ARHGEF6: variants seen among roughly 807,000 people sequenced by gnomAD.
ARHGEF6 encodes rho guanine nucleotide exchange factor 6.
ARHGEF6 carries 9 observed loss-of-function variants against 70.3 expected under a neutral mutation model. That is an observed-to-expected ratio of 0.13 (90% CI 0.08 to 0.22). The LOEUF (loss-of-function observed/expected upper bound fraction) is 0.22. Among genes scored for constraint, ARHGEF6 ranks in the 10% least tolerant of loss-of-function variants. The pLI is 1.00. For synonymous variants in ARHGEF6, 201 were observed against 207.8 expected (o/e 0.97, Z 0.28); for missense variants, 470 against 563.0 (o/e 0.83, Z 1.67).
chrX:136,739,816 A>G (rs2077024569), intron 5 of ARHGEF6, among the ~76,000 whole-genome samples: 1 of 110,921 alleles, frequency 9.0e-6, no homozygotes, highest in Admixed American at 9.5e-5. Context: ...ACAGCAAGTG[A>G]GGCAGGAGCC....
intron 10 of ARHGEF6, 112 bp from the exon 11 acceptor site, chrX:136,688,103 G>A: frequency 1.7e-6 from 1 of 576,897 alleles, no homozygotes. Flanking sequence ...GAATTTTGGG[G>A]GATGATGGAA....
In ARHGEF6 at chrX:136,680,869, T is replaced by C; in HGVS notation, c.1566A>G (p.Thr522=). The change falls in exon 15 of 22, where the codon ACA becomes ACG. Residue 522 remains threonine (T), a synonymous_variant. Coordinates refer to ENST00000250617, the MANE Select transcript of ARHGEF6 (RefSeq NM_004840.3). ...NDCTFEITGN[T]VERIVVHCNN... is the part of the protein sequence containing the mutation. The stretch of plus-strand genomic sequence containing the variant: ...TACAATGGACCACAATTCTCTCCAC[T>C]GTGTTACCTACATCCCCCAATTATG... The C allele has an allele frequency of 8.3e-7, 1 of 1,211,789 alleles. No individual in the cohort carries two copies. Among genetic ancestry groups the C allele is most frequent in the East Asian group, 3.0e-5 (1 of 33,853 alleles).
chrX:136,735,564 C>A (rs1352585950), intron 5 of ARHGEF6, among the ~76,000 whole-genome samples: 1 of 111,293 alleles, frequency 9.0e-6, no homozygotes, highest in East Asian at 2.8e-4. Context: ...ACTGGGCAAT[C>A]CAACCAGTGC....
At position 136,708,754 on chromosome X, in the gene ARHGEF6, C is replaced by A. The variant is rs892895696; in HGVS notation, c.844G>T (p.Val282Phe). 1 of 1,195,450 alleles carries A rather than the reference C, an allele frequency of 8.4e-7. No homozygotes were observed. Among genetic ancestry groups the A allele is most frequent in the East Asian group, 3.0e-5 (1 of 33,496 alleles). ...TCGAAGTTTCCCAGTAAAGATGTAA[C>A]CTCCACAGTACTCAGACTGAAAAAA... is the stretch of plus-strand genomic sequence containing the variant. ...QSNNNLSTVE[V>F]TSLLGNFEEV... The change falls in exon 8 of 22, where the codon GTT becomes TTT. Residue 282 changes from valine (V) to phenylalanine (F), a missense_variant. By Grantham distance (50) the Val-to-Phe change is conservative. This residue lies in a region of ARHGEF6 where 379 missense variants were observed against 449.3 expected (regional missense o/e 0.84). Coordinates refer to ENST00000250617, the MANE Select transcript of ARHGEF6 (RefSeq NM_004840.3).
At chrX:136,708,850 G>T (rs1479634340) in intron 7 of ARHGEF6, 80 bp from the exon 8 acceptor site, 15 of 708,483 alleles carry the variant, frequency 2.1e-5, no homozygotes, top group East Asian at 3.6e-5. Flanking sequence ...GTAAATAAAA[G>T]GGAGGTAATA....
At position 136,749,357 on chromosome X, in the gene ARHGEF6, G is replaced by A; in HGVS notation, c.250-1765C>T. Among the ~76,000 whole-genome samples the A allele has an allele frequency of 2.7e-5, 3 of 111,352 alleles. 1 individual carries two copies. The Middle Eastern group carries it at 0.014, about 518-fold the overall frequency. On this transcript the variant is annotated intron_variant, in intron 2 of 21. Coordinates refer to ENST00000250617, the MANE Select transcript of ARHGEF6 (RefSeq NM_004840.3). ...AGTAGCAAAGCAAAAAAAATCACTT[G>A]TTTTTAGCCCATCAGTCCTAATGGG...
At chrX:136,737,408 G>T in intron 5 of ARHGEF6, 1 of 224,606 alleles carries the variant, frequency 4.5e-6, no homozygotes, top group Non-Finnish European at 6.4e-6. Context: ...CAGAGGTTGT[G>T]GTGAGCTGAG....
At chrX:136,717,219 T>C (rs777619631) in intron 6 of ARHGEF6, among the ~76,000 whole-genome samples, 1 of 111,830 alleles carries the variant, frequency 8.9e-6, no homozygotes, top group Non-Finnish European at 1.9e-5. Flanking sequence ...AAAGAAGCCA[T>C]GGGAAACAAA....
At chrX:136,678,680 G>C (rs1157224273) in intron 16 of ARHGEF6, among the ~76,000 whole-genome samples, 1 of 111,515 alleles carries the variant, frequency 9.0e-6, no homozygotes, top group Non-Finnish European at 1.9e-5. Flanking sequence ...AGCTAAGTCT[G>C]CATCACTCAT....
At position 136,766,392 on chromosome X, in the gene ARHGEF6, T is replaced by TGG. The variant is rs34091837; in HGVS notation, c.249+13020_249+13021dup. Among the ~76,000 whole-genome samples the TGG allele has an allele frequency of 4.8e-3, 503 of 103,805 alleles. 3 individuals carry two copies. The highest frequency in any genetic ancestry group is 0.017 in the East Asian group (53 of 3,039). The allele number at this position is 103,805 out of a possible 115,157, so 90.1% of individuals were successfully genotyped here. A position where few individuals can be genotyped will look rare whatever the true frequency, so the allele number is the denominator to read the frequency against. ...TTATCCTATTTTGTGAGGTTTTTTT[T>TGG]GGGGGGGGGTTATGCAAAGTTTTTA... On this transcript the variant is annotated intron_variant, in intron 2 of 21. Coordinates refer to ENST00000250617, the MANE Select transcript of ARHGEF6 (RefSeq NM_004840.3).
intron 19 of ARHGEF6, among the ~76,000 whole-genome samples, 179 bp downstream of exon 19, chrX:136,674,828 C>T (rs2148570267): frequency 1.8e-5 from 2 of 111,924 alleles, no homozygotes; most frequent in East Asian, 5.6e-4. Flanking sequence ...GTAAACAAAC[C>T]GCTTGGTAGC....
intron 5 of ARHGEF6, among the ~76,000 whole-genome samples, chrX:136,736,174 A>T (rs777508267): frequency 8.0e-5 from 9 of 112,140 alleles, no homozygotes; most frequent in African/African-American, 2.9e-4. Context: ...ACAAAAATTT[A>T]AAAAGGATAT....
intron 12 of ARHGEF6, among the ~76,000 whole-genome samples, chrX:136,684,814 G>C (rs1227127058): frequency 9.0e-6 from 1 of 111,623 alleles, no homozygotes; most frequent in Non-Finnish European, 1.9e-5. Flanking sequence ...TCCATTCCCA[G>C]TGTTACCACC....
At chrX:136,720,939 T>C (rs2076790172) in intron 6 of ARHGEF6, among the ~76,000 whole-genome samples, 2 of 111,398 alleles carry the variant, frequency 1.8e-5, no homozygotes, top group South Asian at 7.4e-4. Flanking sequence ...TCTAAGAAAA[T>C]ATGTACAAGA....
chrX:136,713,946 T>A (rs770517670), intron 6 of ARHGEF6, among the ~76,000 whole-genome samples: 7 of 112,167 alleles, frequency 6.2e-5, no homozygotes, highest in Non-Finnish European at 1.1e-4. Context: ...ATCACTGTGA[T>A]AACAAACATC....
At chrX:136,682,543 C>G (rs765850616) in intron 13 of ARHGEF6, among the ~76,000 whole-genome samples, 1 of 111,796 alleles carries the variant, frequency 8.9e-6, no homozygotes, top group Non-Finnish European at 1.9e-5. Context: ...ATAACTAAAG[C>G]GGTGGATATA....
intron 9 of ARHGEF6, among the ~76,000 whole-genome samples, chrX:136,702,238 T>G (rs543138967): frequency 1.8e-5 from 2 of 111,462 alleles, no homozygotes; most frequent in Middle Eastern, 9.4e-3. Flanking sequence ...ACTCTAGGGA[T>G]ACTGGTAAAA....
At chrX:136,682,909 G>T in intron 12 of ARHGEF6, 65 bp from the exon 13 acceptor site, 1 of 888,794 alleles carries the variant, frequency 1.1e-6, no homozygotes, top group Non-Finnish European at 1.7e-6. Flanking sequence ...GAGAATTTCT[G>T]GAATCACTGC....
chrX:136,758,578 T>C (rs1355600212), intron 2 of ARHGEF6, among the ~76,000 whole-genome samples: 2 of 110,631 alleles, frequency 1.8e-5, no homozygotes, highest in East Asian at 5.7e-4. Context: ...GAAAAAGGCT[T>C]CCATATGACA....
Sources: gnomAD v4.1 joint callset for allele counts (sites outside exome capture counted in the v4.1 genomes callset) on GRCh38, gnomAD v4.1.1 for gene constraint, gnomAD v4.1.1 regional missense constraint, MANE v1.5 for transcripts, NCBI Gene and HGNC (gene_info 2026-07-23, HGNC 2026-07-21) for gene names.